PDE1C: variants seen among roughly 807,000 people sequenced by gnomAD.
PDE1C encodes phosphodiesterase 1C.
PDE1C carries 62 observed loss-of-function variants against 93.1 expected under a neutral mutation model. The observed-to-expected ratio is 0.67, with a 90% confidence interval of 0.54 to 0.82. The LOEUF is 0.82. Among genes scored for constraint, PDE1C ranks in the 40% least tolerant of loss-of-function variants. PDE1C has a pLI of 0.00. For missense variants in PDE1C, 742 were observed against 884.6 expected (o/e 0.84, Z 2.04); for synonymous variants, 325 against 310.1 (o/e 1.05, Z -0.50).
chr7:32,023,094 C>G (rs1788913376), intron 2 of PDE1C, among the ~76,000 whole-genome samples: 1 of 152,034 alleles, frequency 6.6e-6, no homozygotes, highest in South Asian at 2.1e-4. Context: ...GTGAAGTACT[C>G]TCCTGCTGGC....
intron 3 of PDE1C, among the ~76,000 whole-genome samples, chr7:32,136,761 G>C (rs772620479): frequency 3.9e-5 from 6 of 152,052 alleles, no homozygotes; most frequent in Admixed American, 2.0e-4. Flanking sequence ...TCAATTCTTT[G>C]CCCCCAGGAT....
chr7:32,361,274 G>T (rs1343356374), intron 1 of PDE1C, among the ~76,000 whole-genome samples: 1 of 152,180 alleles, frequency 6.6e-6, no homozygotes, highest in Non-Finnish European at 1.5e-5. Context: ...TGCAAAGGCA[G>T]GATGCCCTAA....
At chr7:31,647,284 C>T in the PDE1C span, among the ~76,000 whole-genome samples, 1 of 152,040 alleles carries the variant, frequency 6.6e-6, no homozygotes, top group Non-Finnish European at 1.5e-5. Context: ...CTAGACAGGG[C>T]TAGAAAAAAT....
chr7:32,204,253 T>C (rs1805246770), intron 2 of PDE1C, among the ~76,000 whole-genome samples: 1 of 152,230 alleles, frequency 6.6e-6, no homozygotes, highest in Non-Finnish European at 1.5e-5. Flanking sequence ...TCAAAACTTG[T>C]GAATTGTTTA....
intron 7 of PDE1C, 136 bp downstream of exon 7, chr7:31,864,806 A>G (rs1795087117): frequency 6.1e-6 from 5 of 820,758 alleles, no homozygotes; most frequent in Non-Finnish European, 9.7e-6. Context: ...TATTGGTTAG[A>G]TTACTCCTGG....
intron 1 of PDE1C, among the ~76,000 whole-genome samples, chr7:32,388,384 T>C (rs1009545660): frequency 6.6e-6 from 1 of 152,062 alleles, no homozygotes; most frequent in Non-Finnish European, 1.5e-5. Context: ...AGGGACTGAT[T>C]TTTATGGACC....
chr7:32,011,743 A>C (rs955601938), intron 2 of PDE1C, among the ~76,000 whole-genome samples: 1 of 152,234 alleles, frequency 6.6e-6, no homozygotes, highest in Admixed American at 6.5e-5. Context: ...GTAAAATGGT[A>C]CAACTTTGGA....
intron 1 of PDE1C, among the ~76,000 whole-genome samples, chr7:32,407,660 A>G (rs911184069): frequency 5.9e-5 from 9 of 152,192 alleles, no homozygotes; most frequent in Non-Finnish European, 1.2e-4. Flanking sequence ...ATTTCTAGGT[A>G]TCTTGCTTTT....
chr7:32,204,651 C>T (rs1213688031), intron 2 of PDE1C, among the ~76,000 whole-genome samples: 3 of 152,196 alleles, frequency 2.0e-5, no homozygotes, highest in African/African-American at 7.2e-5. Flanking sequence ...TACATGTGGC[C>T]TTCATTCCCT....
chr7:32,407,103 G>T (rs369915110), intron 1 of PDE1C, among the ~76,000 whole-genome samples: 5 of 152,244 alleles, frequency 3.3e-5, no homozygotes, highest in Middle Eastern at 3.4e-3. Flanking sequence ...GTGAAACCCT[G>T]CCTCTACTAA....
At chr7:32,266,497 C>CAAAAAAAAAT (rs1554297968) in intron 1 of PDE1C, among the ~76,000 whole-genome samples, 4 of 149,248 alleles carry the variant, frequency 2.7e-5, no homozygotes, top group African/African-American at 4.9e-5. Flanking sequence ...GAGACTCCGT[C>CAAAAAAAAAT]AAAAAAAAAT....
chr7:31,866,515 C>T (rs1483678667), intron 6 of PDE1C, among the ~76,000 whole-genome samples: 14 of 152,040 alleles, frequency 9.2e-5, no homozygotes, highest in African/African-American at 3.4e-4. Context: ...ATTTCCGATG[C>T]AAAGAAAAAT....
intron 17 of PDE1C, among the ~76,000 whole-genome samples, chr7:31,770,417 T>A (rs757423829): frequency 6.6e-6 from 1 of 152,236 alleles, no homozygotes; most frequent in Non-Finnish European, 1.5e-5. Flanking sequence ...AATTACCTAA[T>A]TTTTTCTTGG....
chr7:31,656,338 C>A, the PDE1C span: 2 of 244,344 alleles, frequency 8.2e-6, no homozygotes, highest in Non-Finnish European at 1.3e-5. Flanking sequence ...TAGTTTCTTC[C>A]TCTGTAAAAT....
chr7:32,122,159 CAAG>C (rs1225698491), intron 3 of PDE1C, among the ~76,000 whole-genome samples: 1 of 152,170 alleles, frequency 6.6e-6, no homozygotes, highest in Non-Finnish European at 1.5e-5. Flanking sequence ...ATCAATTCAA[CAAG>C]AAGAGCTAAC....
intron 2 of PDE1C, among the ~76,000 whole-genome samples, chr7:31,902,916 C>A (rs1800161768): frequency 6.6e-6 from 1 of 151,552 alleles, no homozygotes; most frequent in Non-Finnish European, 1.5e-5. Context: ...ATAGATCTGT[C>A]CTAGTCTTCC....
intron 2 of PDE1C, among the ~76,000 whole-genome samples, chr7:31,995,894 T>C (rs1784656513): frequency 6.6e-6 from 1 of 152,110 alleles, no homozygotes; most frequent in Admixed American, 6.6e-5. Context: ...CTCCATCTAC[T>C]TGAAGTTCAG....
intron 1 of PDE1C, among the ~76,000 whole-genome samples, chr7:32,374,249 A>AG (rs376162871): frequency 2.9e-5 from 4 of 136,850 alleles, no homozygotes; most frequent in East Asian, 2.2e-4. Context: ...AAGGAAGGAA[A>AG]GGAAAGGAAG....
At chr7:31,837,406 C>T in intron 10 of PDE1C, 106 bp from the exon 11 acceptor site, 1 of 1,053,540 alleles carries the variant, frequency 9.5e-7, no homozygotes, top group Non-Finnish European at 1.3e-6. Flanking sequence ...TCTTCCATCT[C>T]AAACCCCACT....
Sources: gnomAD v4.1 joint callset for allele counts (sites outside exome capture counted in the v4.1 genomes callset) on GRCh38, gnomAD v4.1.1 for gene constraint, MANE v1.5 for transcripts, NCBI Gene and HGNC (gene_info 2026-07-23, HGNC 2026-07-21) for gene names.